The following PFKFB3 variants were observed in gnomAD, a reference collection of about 807,000 sequenced individuals.
PFKFB3 encodes the protein 6-phosphofructo-2-kinase/fructose-2,6-biphosphatase 3.
PFKFB3 carries 33 observed loss-of-function variants against 68.0 expected under a neutral mutation model. That is an observed-to-expected ratio of 0.49 (90% confidence interval 0.37 to 0.65). The LOEUF is 0.65. Among genes scored for constraint, PFKFB3 ranks in the 30% least tolerant of loss-of-function variants. The pLI is 0.00. For missense variants in PFKFB3, 586 were observed against 712.2 expected (o/e 0.82, Z 2.02); for synonymous variants, 315 against 288.2 (o/e 1.09, Z -0.94).
chr10:6,214,549 C>G lies in PFKFB3; in HGVS notation c.203-672C>G, dbSNP rs990632782. On this transcript the variant is annotated intron_variant, in intron 2 of 14. Coordinates refer to ENST00000379775, the MANE Select transcript of PFKFB3 (RefSeq NM_004566.4). ...TTTTCAATTAATTTTATTTTAGATTCGGGTACATGTGCATGTTTGTTACCT... is the reference window on the plus strand; with the variant it reads ...TTTTCAATTAATTTTATTTTAGATTGGGGTACATGTGCATGTTTGTTACCT... Among the ~76,000 whole-genome samples the G allele has an allele frequency of 2.0e-5, 3 of 150,848 alleles. No individual in the cohort carries two copies. In the East Asian group the frequency reaches 5.8e-4, roughly 29 times the overall value.
chr10:6,311,979 C>A, the PFKFB3 span, among the ~76,000 whole-genome samples: 26 of 152,174 alleles, frequency 1.7e-4, no homozygotes, highest in African/African-American at 6.3e-4. Flanking sequence ...GAGGCACAGA[C>A]TACATTTAAA....
the PFKFB3 span, among the ~76,000 whole-genome samples, chr10:6,276,781 A>G: frequency 1.3e-5 from 2 of 152,040 alleles, no homozygotes; most frequent in African/African-American, 4.8e-5. Context: ...CAATATCACA[A>G]CCATGATATT....
rs1844385939 is a variant in PFKFB3 at position 6,213,762 on chromosome 10, TC to T, written c.202+15del. 1 of 1,610,248 alleles carries T rather than the reference TC, an allele frequency of 6.2e-7. No individual in the cohort carries two copies. Among genetic ancestry groups the T allele is most frequent in the African/African-American group, 1.3e-5 (1 of 74,828 alleles). On this transcript the variant is annotated intron_variant, in intron 2 of 14. Transcript: ENST00000379775. ...TCCCCACAAAAGGTGAGACTGGGTC[TC>T]GAGGCCGGACCCCTGCTCGTGCAAA...
chr10:6,177,206 T>C (rs1166005014), intron 1 of PFKFB3, among the ~76,000 whole-genome samples: 2 of 152,108 alleles, frequency 1.3e-5, no homozygotes, highest in African/African-American at 4.8e-5. Flanking sequence ...GCTTCTGTGG[T>C]TTGCTTGGAG....
rs529106495 is a variant in PFKFB3, at chr10:6,178,069, G to A, written c.16+33056G>A. 5.9e-5 allele frequency among the ~76,000 whole-genome samples: 9 copies of A among 152,292 alleles called. No individual in the cohort carries two copies. The South Asian group carries it at 1.2e-3, about 21-fold the overall frequency. On this transcript the variant is annotated intron_variant, in intron 1 of 14. Coordinates refer to the PFKFB3 transcript ENST00000379789. The stretch of plus-strand genomic sequence containing the variant: ...ACCCTAGTCAGGAGGGAGCCAAGGC[G>A]TCCAAGGAGGCCCTCAGGCTGCAAG...
intron 14 of PFKFB3, among the ~76,000 whole-genome samples, chr10:6,230,931 G>T (rs540276435): frequency 6.6e-6 from 1 of 152,072 alleles, no homozygotes; most frequent in East Asian, 1.9e-4. Flanking sequence ...GGCCAGGCTC[G>T]TCTCAAACTC....
downstream of PFKFB3, among the ~76,000 whole-genome samples, chr10:6,236,961 C>T (rs146319904): frequency 1.4e-3 from 217 of 152,308 alleles, 2 homozygotes; most frequent in African/African-American, 5.0e-3. Context: ...ACGTTGTACA[C>T]ACCAGTCGTT....
the PFKFB3 span, among the ~76,000 whole-genome samples, chr10:6,309,441 G>A: frequency 6.6e-6 from 1 of 152,064 alleles, no homozygotes; most frequent in Non-Finnish European, 1.5e-5. Context: ...GGGCAACATG[G>A]CGAAACCCCG....
At chr10:6,208,081 A>G (rs1843910395) in intron 1 of PFKFB3, among the ~76,000 whole-genome samples, 1 of 152,112 alleles carries the variant, frequency 6.6e-6, no homozygotes, top group South Asian at 2.1e-4. Context: ...TTAAAGCACC[A>G]AACTTTGTTT....
rs570967445 is a variant in PFKFB3, at chr10:6,233,175, C to A, written c.*233C>A. ...CCTGCCTTTAGCCGTGGGGCCCCCA[C>A]CTCCACTCTCTGGGTTTCCTAGGAA... On this transcript the variant is annotated 3_prime_UTR_variant, in exon 15 of 15. Coordinates refer to ENST00000379775, the MANE Select transcript of PFKFB3 (RefSeq NM_004566.4). 1 of 531,282 alleles carries A rather than the reference C, an allele frequency of 1.9e-6. No individual in the cohort carries two copies. The highest frequency in any genetic ancestry group is 3.2e-5 in the Admixed American group (1 of 31,142). 32.9% of individuals were successfully genotyped at this position (531,282 alleles called of 1,614,324 possible).
intron 11 of PFKFB3, among the ~76,000 whole-genome samples, chr10:6,223,533 C>T (rs1399840580): frequency 2.0e-5 from 3 of 152,194 alleles, no homozygotes; most frequent in Non-Finnish European, 4.4e-5. Flanking sequence ...CAGCTTGTGG[C>T]TGGGGACAGA....
At chr10:6,216,300 A>AAGC in intron 4 of PFKFB3, 109 bp downstream of exon 4, 1 of 1,094,988 alleles carries the variant, frequency 9.1e-7, no homozygotes, top group Non-Finnish European at 1.4e-6. Flanking sequence ...GGGTGGAGGA[A>AAGC]AGCAGGTGGC....
the PFKFB3 span, among the ~76,000 whole-genome samples, chr10:6,275,582 G>A: frequency 4.0e-4 from 61 of 152,174 alleles, no homozygotes; most frequent in Admixed American, 6.5e-4. The surrounding 1 kb of genome is among the most constrained non-coding windows in gnomAD (Gnocchi z 4.9). Flanking sequence ...CCCCACACGC[G>A]TTCTTATTGT....
chr10:6,225,051 G>T (rs1485524332), intron 13 of PFKFB3: 5 of 451,192 alleles, frequency 1.1e-5, no homozygotes, highest in East Asian at 7.0e-5. Flanking sequence ...TCTACCTTGG[G>T]GGGAGGCCTG....
chr10:6,169,317 TC>T (rs1428757454), intron 1 of PFKFB3, among the ~76,000 whole-genome samples: 1 of 152,156 alleles, frequency 6.6e-6, no homozygotes, highest in African/African-American at 2.4e-5. Flanking sequence ...CATTTTCTGT[TC>T]TTTTCTTAGT....
At chr10:6,166,137 C>T (rs946746148) in intron 1 of PFKFB3, among the ~76,000 whole-genome samples, 43 of 152,112 alleles carry the variant, frequency 2.8e-4, no homozygotes, top group African/African-American at 9.9e-4. Flanking sequence ...CCCGCCACCA[C>T]GCCCAGCTAA....
the PFKFB3 span, among the ~76,000 whole-genome samples, chr10:6,273,854 C>T: frequency 6.6e-6 from 1 of 152,140 alleles, no homozygotes; most frequent in African/African-American, 2.4e-5. Context: ...CCTCAAAGGA[C>T]CCAGTCCTGC....
At chr10:6,170,443 G>A (rs1233074422) in intron 1 of PFKFB3, among the ~76,000 whole-genome samples, 2 of 152,224 alleles carry the variant, frequency 1.3e-5, no homozygotes, top group African/African-American at 2.4e-5. Context: ...ACAGCAGGGT[G>A]CAGTGGTGCA....
intron 1 of PFKFB3, among the ~76,000 whole-genome samples, chr10:6,188,786 G>C (rs901599216): frequency 6.6e-6 from 1 of 150,620 alleles, no homozygotes; most frequent in Non-Finnish European, 1.5e-5. Flanking sequence ...AAGTCCTTAA[G>C]GTTGACCTCT....
Sources: allele counts gnomAD v4.1 joint callset (sites outside exome capture counted in the v4.1 genomes callset), GRCh38; gene constraint gnomAD v4.1.1; non-coding constraint Gnocchi (gnomAD v3.1); transcripts MANE v1.5; gene names NCBI Gene and HGNC (gene_info 2026-07-23, HGNC 2026-07-21).